ALK: variants seen among roughly 807,000 people sequenced by gnomAD.
ALK encodes the protein ALK receptor tyrosine kinase, also known as ALK tyrosine kinase receptor.
ALK carries 74 observed loss-of-function variants against 163.1 expected under a neutral mutation model. The ratio of observed to expected loss-of-function variants is 0.45; its 90% CI spans 0.38 to 0.55. ALK has a LOEUF of 0.55. ALK is among the 20% of genes least tolerant of loss of function. The probability of loss-of-function intolerance (pLI) is 0.00; values close to 1 mark genes in which losing one functional copy is unlikely to be tolerated. For missense variants in ALK, 2,063 were observed against 2,105.3 expected (o/e 0.98, Z 0.39); for synonymous variants, 960 against 843.2 (o/e 1.14, Z -2.40).
chr2:29,880,536 C>A (rs1010997013), intron 1 of ALK, among the ~76,000 whole-genome samples: 1 of 152,194 alleles, frequency 6.6e-6, no homozygotes, highest in East Asian at 1.9e-4. Flanking sequence ...CACCCACCCC[C>A]ACTTAAGCTC....
At chr2:29,916,983 C>A (rs4319896) in intron 1 of ALK, among the ~76,000 whole-genome samples, 71,527 of 152,046 alleles carry the variant, frequency 0.47, 16,964 homozygotes, top group Middle Eastern at 0.54. Context: ...GATCCTATTT[C>A]TGAATTCACA....
intron 4 of ALK, among the ~76,000 whole-genome samples, chr2:29,496,368 A>C (rs546914060): frequency 6.6e-6 from 1 of 152,318 alleles, no homozygotes; most frequent in South Asian, 2.1e-4. Context: ...TAATACAGAC[A>C]AACTAGATTC....
rs140527448 is a variant in ALK at position 29,251,144 on chromosome 2, C to G, written c.2165G>C (p.Gly722Ala). ...GGCTGGCACCTTCCAGATCTGGATGCCTTTCAGGGGGCCCTCGCTCCCCAC... is the reference window on the plus strand; with the variant it reads ...GGCTGGCACCTTCCAGATCTGGATGGCTTTCAGGGGGCCCTCGCTCCCCAC... ...VEVGSEGPLKGIQIWKVPATD... is the reference protein window; with the variant it reads ...VEVGSEGPLKAIQIWKVPATD... The change falls in exon 12 of 29, where the codon GGC becomes GCC. Residue 722 changes from glycine (G) to alanine (A), a missense_variant. By Grantham distance (60) the Gly-to-Ala change is moderately conservative. Around this residue, in one of 5 missense-constraint regions of ALK, gnomAD observed 987 missense variants for 939.5 expected, o/e 1.05. Transcript: ENST00000389048. 1 of 1,614,142 alleles carries G rather than the reference C, an allele frequency of 6.2e-7. No individual in the cohort carries two copies. Among genetic ancestry groups the G allele is most frequent in the Non-Finnish European group, 8.5e-7 (1 of 1,180,018 alleles).
rs375971410 is a variant in ALK at position 29,282,607 on chromosome 2, G to A, written c.1818-7111C>T. On this transcript the variant is annotated intron_variant, in intron 9 of 28. Transcript: ENST00000389048. ...GAAGTAATTTACCACCTCCTGCCTT[G>A]GTTTCCCCTCTAGGCATAACGACAC... Among the ~76,000 whole-genome samples the A allele has an allele frequency of 5.3e-5, 8 of 152,292 alleles. No individual in the cohort carries two copies. The East Asian group carries it at 1.5e-3, about 29-fold the overall frequency.
At chr2:29,441,963 C>A (rs1036938505) in intron 4 of ALK, among the ~76,000 whole-genome samples, 1 of 152,156 alleles carries the variant, frequency 6.6e-6, no homozygotes, top group African/African-American at 2.4e-5. Context: ...AAATCATTTC[C>A]AAACAAGCTA....
intron 3 of ALK, among the ~76,000 whole-genome samples, chr2:29,627,858 G>C (rs560298161): frequency 1.1e-3 from 163 of 152,308 alleles, no homozygotes; most frequent in African/African-American, 3.8e-3. Context: ...AGAGAGAAAA[G>C]TTTAGCGTGC....
intron 1 of ALK, among the ~76,000 whole-genome samples, chr2:29,838,389 A>G (rs1433350450): frequency 3.3e-5 from 5 of 152,176 alleles, no homozygotes; most frequent in Non-Finnish European, 7.4e-5. Context: ...CCCACACATG[A>G]TAAATACAAT....
intron 5 of ALK, among the ~76,000 whole-genome samples, chr2:29,374,836 G>A (rs1362513742): frequency 1.3e-5 from 2 of 152,156 alleles, no homozygotes; most frequent in East Asian, 1.9e-4. Flanking sequence ...GAAGGAGAGC[G>A]TTTTTAAAAT....
At chr2:29,242,084 G>A (rs1664539960) in intron 12 of ALK, among the ~76,000 whole-genome samples, 1 of 152,220 alleles carries the variant, frequency 6.6e-6, no homozygotes, top group South Asian at 2.1e-4. Flanking sequence ...GAAAAAGGAA[G>A]GCTTATTGGT....
At chr2:29,895,724 C>A (rs116325150) in intron 1 of ALK, among the ~76,000 whole-genome samples, 2 of 152,188 alleles carry the variant, frequency 1.3e-5, no homozygotes, top group African/African-American at 4.8e-5. Context: ...CATCTCAATT[C>A]AACAGTTCAT....
Position 29,239,750 on chromosome 2 carries a change from A to T in ALK, c.2285T>A (p.Ile762Asn), listed in dbSNP as rs1169776576. The T allele has an allele frequency of 1.2e-6, 2 of 1,614,078 alleles. No individual in the cohort carries two copies. Among genetic ancestry groups the T allele is most frequent in the Non-Finnish European group, 1.7e-6 (2 of 1,180,034 alleles). ...CATGTCATCCTTCTCCAGGTTGAAG[A>T]TGCCCAGCACAGACACGCCGTGGGA... ...MRSHGVSVLG[I>N]FNLEKDDMLY... The change falls in exon 13 of 29, where the codon ATC becomes AAC. Residue 762 changes from isoleucine (I) to asparagine (N), a missense_variant. Ile to Asn is a moderately radical substitution (Grantham distance 149). Around this residue, in one of 5 missense-constraint regions of ALK, gnomAD observed 575 missense variants for 626.6 expected, o/e 0.92. Coordinates refer to ENST00000389048, the MANE Select transcript of ALK (RefSeq NM_004304.5).
intron 4 of ALK, among the ~76,000 whole-genome samples, chr2:29,486,397 C>G (rs1252201123): frequency 6.6e-6 from 1 of 152,134 alleles, no homozygotes; most frequent in Non-Finnish European, 1.5e-5. Flanking sequence ...ATGAGTGCTT[C>G]ATAAATGTTA....
At chr2:29,433,433 T>G in intron 4 of ALK, among the ~76,000 whole-genome samples, 1 of 152,192 alleles carries the variant, frequency 6.6e-6, no homozygotes, top group Admixed American at 6.5e-5. Context: ...TGATACTATA[T>G]CTGAGAGAAT....
chr2:29,524,851 GTGGA>G (rs1277406124), intron 4 of ALK, among the ~76,000 whole-genome samples: 6 of 151,582 alleles, frequency 4.0e-5, no homozygotes, highest in Non-Finnish European at 5.9e-5. Flanking sequence ...AGATGGATGA[GTGGA>G]TGGATGGATG....
intron 5 of ALK, among the ~76,000 whole-genome samples, chr2:29,364,635 A>G (rs543775164): frequency 6.6e-6 from 1 of 152,290 alleles, no homozygotes; most frequent in East Asian, 1.9e-4. Flanking sequence ...AAGAAGAGTC[A>G]GGGCTCCAGA....
chr2:29,851,381 C>T (rs1665987652), intron 1 of ALK, among the ~76,000 whole-genome samples: 1 of 152,190 alleles, frequency 6.6e-6, no homozygotes, highest in Admixed American at 6.5e-5. Flanking sequence ...ATTTCAATTT[C>T]TCAAAAAGAT....
intron 1 of ALK, chr2:29,907,290 G>A (rs1187081169): frequency 6.6e-6 from 1 of 152,056 alleles, no homozygotes. Flanking sequence ...AACATTAAGA[G>A]GTTTGCTATC....
chr2:29,276,059 C>A (rs1325363757), intron 9 of ALK, among the ~76,000 whole-genome samples: 1 of 152,190 alleles, frequency 6.6e-6, no homozygotes, highest in African/African-American at 2.4e-5. Flanking sequence ...CTTGTTGCTT[C>A]AGGCAACTGG....
intron 4 of ALK, among the ~76,000 whole-genome samples, chr2:29,508,733 CAAAAAAA>C (rs60719550): frequency 7.6e-5 from 5 of 65,484 alleles, no homozygotes; most frequent in Non-Finnish European, 7.7e-5. Flanking sequence ...ATCTGCAACT[CAAAAAAA>C]AAAAAAAAAA....
Sources: gnomAD v4.1 joint callset for allele counts (sites outside exome capture counted in the v4.1 genomes callset) on GRCh38, gnomAD v4.1.1 for gene constraint, gnomAD v4.1.1 regional missense constraint, MANE v1.5 for transcripts, NCBI Gene and HGNC (gene_info 2026-07-23, HGNC 2026-07-21) for gene names.